LHFPL3: variants seen among roughly 807,000 people sequenced by gnomAD.
LHFPL3 encodes the protein LHFPL tetraspan subfamily member 3 protein.
LHFPL3 carries 5 observed loss-of-function variants against 19.3 expected under a neutral mutation model. The ratio of observed to expected loss-of-function variants is 0.26; its 90% CI spans 0.14 to 0.54. The LOEUF (loss-of-function observed/expected upper bound fraction) is 0.54, where lower values mean the gene tolerates loss of function less well. Among genes scored for constraint, LHFPL3 ranks in the 20% least tolerant of loss-of-function variants. The pLI is 0.94. For missense variants in LHFPL3, 249 were observed against 307.4 expected (o/e 0.81, Z 1.42); for synonymous variants, 133 against 126.2 (o/e 1.05, Z -0.36).
intron 1 of LHFPL3, among the ~76,000 whole-genome samples, chr7:104,563,103 T>C (rs1156234812): frequency 3.0e-4 from 46 of 152,102 alleles, no homozygotes; most frequent in East Asian, 1.7e-3. Flanking sequence ...GACAGGGACA[T>C]TTAAGTCTGC....
intron 1 of LHFPL3, among the ~76,000 whole-genome samples, chr7:104,725,988 G>A (rs1793583312): frequency 6.9e-6 from 1 of 144,332 alleles, no homozygotes; most frequent in Admixed American, 7.3e-5. Flanking sequence ...GGAGGTAGAG[G>A]TTGCAGTGAG....
chr7:104,605,882 A>AC (rs397739360), intron 1 of LHFPL3, among the ~76,000 whole-genome samples: 1 of 150,010 alleles, frequency 6.7e-6, no homozygotes, highest in Non-Finnish European at 1.5e-5. Context: ...AAAAAAAAAA[A>AC]CAACAAGAAA....
At chr7:104,887,267 C>A (rs895488792) in intron 2 of LHFPL3, among the ~76,000 whole-genome samples, 2 of 152,182 alleles carry the variant, frequency 1.3e-5, no homozygotes, top group African/African-American at 4.8e-5. Context: ...GAATATTACC[C>A]TAGCTTGGGT....
chr7:104,331,147 C>A (rs1203705054), intron 1 of LHFPL3, among the ~76,000 whole-genome samples: 1 of 152,166 alleles, frequency 6.6e-6, no homozygotes, highest in Non-Finnish European at 1.5e-5. Flanking sequence ...CAAACTGCAA[C>A]CATTACAAGG....
intron 2 of LHFPL3, among the ~76,000 whole-genome samples, chr7:104,821,819 A>G (rs182229730): frequency 1.3e-5 from 2 of 152,298 alleles, no homozygotes; most frequent in Non-Finnish European, 2.9e-5. Flanking sequence ...TCCAAGTGAA[A>G]CCTCACTTAG....
At chr7:104,528,620 A>C (rs933039515) in intron 1 of LHFPL3, among the ~76,000 whole-genome samples, 2 of 152,208 alleles carry the variant, frequency 1.3e-5, no homozygotes, top group African/African-American at 4.8e-5. Context: ...TATATAATTA[A>C]GGCTAAATCA....
At chr7:104,388,099 G>A (rs1243748404) in intron 1 of LHFPL3, among the ~76,000 whole-genome samples, 1 of 152,104 alleles carries the variant, frequency 6.6e-6, no homozygotes. Context: ...CATCCATGTT[G>A]CTTCAAAGGA....
intron 1 of LHFPL3, among the ~76,000 whole-genome samples, chr7:104,632,979 C>T (rs541506141): frequency 6.6e-6 from 1 of 152,088 alleles, no homozygotes; most frequent in Non-Finnish European, 1.5e-5. Flanking sequence ...GAATACTATA[C>T]AAGTAATTGG....
chr7:104,346,346 T>A (rs1326379798), intron 1 of LHFPL3, among the ~76,000 whole-genome samples: 1 of 151,936 alleles, frequency 6.6e-6, no homozygotes, highest in Non-Finnish European at 1.5e-5. Flanking sequence ...GTTTTTTTTT[T>A]TTTTTTTGGT....
chr7:104,735,573 G>A (rs776637433), intron 1 of LHFPL3, among the ~76,000 whole-genome samples: 5 of 152,262 alleles, frequency 3.3e-5, no homozygotes, highest in Non-Finnish European at 7.3e-5. Flanking sequence ...GAAAAGCGCA[G>A]TATTAGGATG....
chr7:104,512,373 C>T lies in LHFPL3; in HGVS notation c.445+183149C>T, dbSNP rs79307754. 6.1e-3 allele frequency among the ~76,000 whole-genome samples: 931 copies of T among 152,156 alleles called. 5 individuals carry two copies. The highest frequency in any genetic ancestry group is 0.014 in the Middle Eastern group (4 of 294). ...TGGGTCAGACATCTCCAAGCACTGGCGATTCACACCATAAACTCATGCGCT... is the reference window on the plus strand; with the variant it reads ...TGGGTCAGACATCTCCAAGCACTGGTGATTCACACCATAAACTCATGCGCT... On this transcript the variant is annotated intron_variant, in intron 1 of 2. Coordinates refer to ENST00000424859, the MANE Select transcript of LHFPL3 (RefSeq NM_199000.3).
chr7:104,587,399 TGA>T (rs1790602747), intron 1 of LHFPL3, among the ~76,000 whole-genome samples: 1 of 152,224 alleles, frequency 6.6e-6, no homozygotes, highest in African/African-American at 2.4e-5. Flanking sequence ...GATAGTTTGC[TGA>T]GAGTGATGGT....
At chr7:104,601,678 C>T (rs1034172422) in intron 1 of LHFPL3, among the ~76,000 whole-genome samples, 2 of 152,152 alleles carry the variant, frequency 1.3e-5, no homozygotes, top group Middle Eastern at 3.2e-3. Context: ...GGCTCTGGTA[C>T]TGCTCTCCCT....
intron 1 of LHFPL3, among the ~76,000 whole-genome samples, chr7:104,616,282 A>G (rs1791337838): frequency 6.6e-6 from 1 of 152,208 alleles, no homozygotes; most frequent in Admixed American, 6.5e-5. Context: ...ACTAGTACCA[A>G]AACAGTCACA....
At chr7:104,391,028 G>T (rs189206713) in intron 1 of LHFPL3, among the ~76,000 whole-genome samples, 1 of 152,112 alleles carries the variant, frequency 6.6e-6, no homozygotes, top group Non-Finnish European at 1.5e-5. Context: ...TTTTGATGGG[G>T]TTGTTTGTTT....
intron 1 of LHFPL3, among the ~76,000 whole-genome samples, chr7:104,650,425 C>G (rs1381897389): frequency 6.6e-6 from 1 of 152,180 alleles, no homozygotes; most frequent in African/African-American, 2.4e-5. Flanking sequence ...CTGCTTCCCC[C>G]TACTTAGCGA....
At chr7:104,401,932 AAGAT>A (rs1194853439) in intron 1 of LHFPL3, among the ~76,000 whole-genome samples, 9 of 152,340 alleles carry the variant, frequency 5.9e-5, no homozygotes, top group African/African-American at 1.9e-4. Flanking sequence ...TTCTTGAAGA[AAGAT>A]TAAAGTAGCA....
intron 1 of LHFPL3, among the ~76,000 whole-genome samples, chr7:104,474,260 A>T (rs1367830746): frequency 6.6e-6 from 1 of 152,218 alleles, no homozygotes; most frequent in East Asian, 1.9e-4. Context: ...CTGCTTCAAA[A>T]CACCTACAAA....
intron 1 of LHFPL3, among the ~76,000 whole-genome samples, chr7:104,593,577 C>T (rs547002171): frequency 6.6e-6 from 1 of 152,228 alleles, no homozygotes; most frequent in Non-Finnish European, 1.5e-5. Flanking sequence ...GAGCTGAGTT[C>T]AGGTCCTGGA....
Sources: allele counts gnomAD v4.1 joint callset (sites outside exome capture counted in the v4.1 genomes callset), GRCh38; gene constraint gnomAD v4.1.1; transcripts MANE v1.5; gene names NCBI Gene and HGNC (gene_info 2026-07-23, HGNC 2026-07-21).